ZNF385D: variants seen among roughly 807,000 people sequenced by gnomAD.
ZNF385D encodes the protein zinc finger protein 385D, also known as zinc finger protein 659.
Under a neutral mutation model 35.8 loss-of-function variants are expected in ZNF385D, and 15 were observed. That is an observed-to-expected ratio of 0.42 (90% confidence interval 0.28 to 0.64). The LOEUF (loss-of-function observed/expected upper bound fraction) is 0.64. Among genes scored for constraint, ZNF385D ranks in the 30% least tolerant of loss-of-function variants. The probability of loss-of-function intolerance (pLI) is 0.23; values close to 1 mark genes in which losing one functional copy is unlikely to be tolerated. For synonymous variants in ZNF385D, 212 were observed against 186.8 expected (o/e 1.13, Z -1.10); for missense variants, 474 against 494.6 (o/e 0.96, Z 0.39).
intron 2 of ZNF385D, among the ~76,000 whole-genome samples, chr3:22,246,042 C>T (rs924259076): frequency 6.6e-6 from 1 of 152,106 alleles, no homozygotes; most frequent in Non-Finnish European, 1.5e-5. Context: ...AGACACACAA[C>T]ATTTGGCCAG....
At position 21,511,649 on chromosome 3, in the gene ZNF385D, G is replaced by A. The variant is rs1707215578; in HGVS notation, c.277-626C>T. On this transcript the variant is annotated intron_variant, in intron 3 of 7. Coordinates refer to ENST00000281523, the MANE Select transcript of ZNF385D (RefSeq NM_024697.3). Reference sequence around the variant, plus strand: ...AGGGTAGTCTGAGAAGTTCAACTTAGTGTCATTTTTTCAGCGCATGGATCT... The same window carrying A: ...AGGGTAGTCTGAGAAGTTCAACTTAATGTCATTTTTTCAGCGCATGGATCT... 4.4e-6 allele frequency: 2 copies of A among 455,392 alleles called. 1 individual carries two copies. The highest frequency in any genetic ancestry group is 3.1e-5 in the South Asian group (2 of 64,258). 28.2% of individuals were successfully genotyped at this position (455,392 alleles called of 1,614,324 possible).
chr3:21,580,468 A>G (rs1268872501), intron 2 of ZNF385D, among the ~76,000 whole-genome samples: 2 of 152,196 alleles, frequency 1.3e-5, no homozygotes, highest in Non-Finnish European at 2.9e-5. Context: ...AACCATATAA[A>G]TGATTATCCC....
chr3:21,814,031 G>C (rs559150931), intron 3 of ZNF385D, among the ~76,000 whole-genome samples: 2 of 152,302 alleles, frequency 1.3e-5, no homozygotes, highest in East Asian at 1.9e-4. Context: ...AGCCAGAAGA[G>C]AGTGGGGGCC....
chr3:22,328,411 T>C (rs533842771), intron 2 of ZNF385D, among the ~76,000 whole-genome samples: 1 of 152,322 alleles, frequency 6.6e-6, no homozygotes, highest in East Asian at 1.9e-4. Flanking sequence ...TATATAAGTA[T>C]ACATTGAACA....
At chr3:22,171,994 T>TA (rs1279034845) in intron 2 of ZNF385D, among the ~76,000 whole-genome samples, 1 of 152,036 alleles carries the variant, frequency 6.6e-6, no homozygotes. Flanking sequence ...CCCAATATGG[T>TA]AAAAACGACA....
At chr3:21,971,824 T>C (rs1162893403) in intron 3 of ZNF385D, among the ~76,000 whole-genome samples, 1 of 151,888 alleles carries the variant, frequency 6.6e-6, no homozygotes, top group Non-Finnish European at 1.5e-5. Context: ...TATCCTTATA[T>C]TAGACAAAAT....
At chr3:21,610,812 C>T (rs1193353783) in intron 2 of ZNF385D, among the ~76,000 whole-genome samples, 5 of 151,794 alleles carry the variant, frequency 3.3e-5, no homozygotes, top group Middle Eastern at 3.2e-3. Context: ...TGTTATTTCA[C>T]GGTTGCTGTG....
At chr3:21,992,636 A>T (rs773862117) in intron 3 of ZNF385D, among the ~76,000 whole-genome samples, 1 of 152,308 alleles carries the variant, frequency 6.6e-6, no homozygotes, top group East Asian at 1.9e-4. Context: ...CTCTGAAGCT[A>T]AAGTTCGCAT....
intron 4 of ZNF385D, among the ~76,000 whole-genome samples, chr3:21,479,510 G>A (rs989120810): frequency 2.6e-5 from 4 of 151,988 alleles, no homozygotes; most frequent in African/African-American, 9.6e-5. Context: ...TTTATTTAAG[G>A]CCAAGAATAA....
chr3:21,561,587 A>G (rs939596392), intron 3 of ZNF385D, among the ~76,000 whole-genome samples: 4 of 152,152 alleles, frequency 2.6e-5, no homozygotes, highest in Non-Finnish European at 4.4e-5. Context: ...AGCTGTTTCT[A>G]TTTGGCCAGC....
At chr3:21,621,720 T>C (rs1192413385) in intron 2 of ZNF385D, among the ~76,000 whole-genome samples, 1 of 152,062 alleles carries the variant, frequency 6.6e-6, no homozygotes, top group Non-Finnish European at 1.5e-5. Context: ...AATTAGCTAC[T>C]AAGGAAAAAT....
At chr3:21,735,757 T>C (rs1007745873) in intron 1 of ZNF385D, among the ~76,000 whole-genome samples, 1 of 152,228 alleles carries the variant, frequency 6.6e-6, no homozygotes, top group African/African-American at 2.4e-5. Flanking sequence ...CAGCAGGTAA[T>C]TGGAGAATAT....
intron 2 of ZNF385D, among the ~76,000 whole-genome samples, chr3:22,310,255 G>A (rs1244483495): frequency 1.3e-5 from 2 of 151,842 alleles, no homozygotes; most frequent in African/African-American, 4.8e-5. Context: ...TTAACTTCTT[G>A]GAACTTCATT....
intron 3 of ZNF385D, among the ~76,000 whole-genome samples, chr3:22,029,040 T>G (rs140779658): frequency 5.3e-5 from 8 of 152,200 alleles, no homozygotes; most frequent in Admixed American, 5.2e-4. Context: ...CTAGCACAGT[T>G]TTTGCTTCCT....
intron 3 of ZNF385D, among the ~76,000 whole-genome samples, chr3:21,919,884 A>T (rs995682386): frequency 6.6e-6 from 1 of 152,232 alleles, no homozygotes; most frequent in African/African-American, 2.4e-5. Flanking sequence ...TAACTTTTCC[A>T]AAGTGTCTCT....
At chr3:21,937,326 A>G (rs1398403274) in intron 3 of ZNF385D, among the ~76,000 whole-genome samples, 1 of 152,046 alleles carries the variant, frequency 6.6e-6, no homozygotes, top group Non-Finnish European at 1.5e-5. Flanking sequence ...ACCATTCTCC[A>G]CTCCAGTGCC....
chr3:21,975,105 G>A (rs564290691), intron 3 of ZNF385D, among the ~76,000 whole-genome samples: 7 of 152,282 alleles, frequency 4.6e-5, no homozygotes, highest in African/African-American at 1.7e-4. Flanking sequence ...ATATTGAAGA[G>A]ATATCTGCAC....
At chr3:21,866,511 T>C (rs1697374902) in intron 3 of ZNF385D, among the ~76,000 whole-genome samples, 1 of 152,156 alleles carries the variant, frequency 6.6e-6, no homozygotes, top group Non-Finnish European at 1.5e-5. Context: ...TCTACGGATA[T>C]TGTTCTCAAA....
At position 21,725,137 on chromosome 3, in the gene ZNF385D, G is replaced by C. The variant is rs1282679217; in HGVS notation, c.22+25758C>G. Among the ~76,000 whole-genome samples, 6 of 152,130 alleles carry C rather than the reference G, an allele frequency of 3.9e-5. No homozygotes were observed. In the East Asian group the frequency reaches 9.6e-4, roughly 24 times the overall value. ...TAAAGATGTTCTTTGAAACCAAAGA[G>C]AACAAAGACACGATGTACCAGAATT... is the stretch of plus-strand genomic sequence containing the variant. On this transcript the variant is annotated intron_variant, in intron 1 of 7. Transcript: ENST00000281523.
Sources: allele counts gnomAD v4.1 joint callset (sites outside exome capture counted in the v4.1 genomes callset), GRCh38; gene constraint gnomAD v4.1.1; transcripts MANE v1.5; gene names NCBI Gene and HGNC (gene_info 2026-07-23, HGNC 2026-07-21).